C3orf49: variants seen among roughly 807,000 people sequenced by gnomAD.
C3orf49 encodes the protein putative uncharacterized protein C3orf49.
Under a neutral mutation model 13.3 loss-of-function variants are expected in C3orf49, and 27 were observed. The observed-to-expected ratio is 2.02, with a 90% CI of 1.49 to 2.79. The LOEUF (loss-of-function observed/expected upper bound fraction) is 2.79, where lower values mean the gene tolerates loss of function less well. Ranked by LOEUF, C3orf49 falls within the 30% of genes most tolerant of loss-of-function variation. The pLI is 0.00. For missense variants in C3orf49, 242 were observed against 134.2 expected (o/e 1.80, Z -3.97); for synonymous variants, 87 against 47.6 (o/e 1.83, Z -3.40).
At chr3:63,794,276 C>A in the C3orf49 span, among the ~76,000 whole-genome samples, 1 of 152,082 alleles carries the variant, frequency 6.6e-6, no homozygotes, top group Non-Finnish European at 1.5e-5. Context: ...ACCCCATCTT[C>A]CTCCGTTTCT....
intron 5 of C3orf49, among the ~76,000 whole-genome samples, chr3:63,833,198 G>A (rs1326264798): frequency 6.6e-6 from 1 of 151,624 alleles, no homozygotes; most frequent in Non-Finnish European, 1.5e-5. Flanking sequence ...CTGGGTTCAA[G>A]TGATTCTCCT....
the C3orf49 span, among the ~76,000 whole-genome samples, chr3:63,805,889 G>C: frequency 1.3e-5 from 2 of 152,232 alleles, no homozygotes; most frequent in Admixed American, 6.5e-5. Context: ...AGAAGTGCAA[G>C]AGACCCACGG....
the C3orf49 span, among the ~76,000 whole-genome samples, chr3:63,790,598 CTTTT>C: frequency 2.5e-3 from 350 of 137,688 alleles, no homozygotes; most frequent in African/African-American, 6.6e-3. Flanking sequence ...ACATCTACCT[CTTTT>C]TTTTTTTTTT....
At chr3:63,816,099 T>C (rs1364115644), upstream of C3orf49, among the ~76,000 whole-genome samples, 2 of 151,632 alleles carry the variant, frequency 1.3e-5, no homozygotes, top group African/African-American at 4.8e-5. Flanking sequence ...TTCTTTTTAT[T>C]TATTTATTTT....
At chr3:63,812,742 T>C in the C3orf49 span, among the ~76,000 whole-genome samples, 1 of 152,360 alleles carries the variant, frequency 6.6e-6, no homozygotes, top group South Asian at 2.1e-4. Context: ...GTTGTTATTA[T>C]GCATTCAAAA....
At chr3:63,815,489 C>G (rs981538885), upstream of C3orf49, among the ~76,000 whole-genome samples, 1 of 152,158 alleles carries the variant, frequency 6.6e-6, no homozygotes, top group African/African-American at 2.4e-5. Context: ...CTATGCCTTC[C>G]CCATGTCACC....
chr3:63,810,025 A>G, the C3orf49 span, among the ~76,000 whole-genome samples: 1 of 152,176 alleles, frequency 6.6e-6, no homozygotes. Flanking sequence ...TGGTGCCTGT[A>G]ATCCCAGTTA....
At chr3:63,835,471 G>C (rs773545308) in intron 5 of C3orf49, 37 of 1,279,406 alleles carry the variant, frequency 2.9e-5, no homozygotes, top group Non-Finnish European at 3.5e-5. Context: ...TAAGTTACTA[G>C]ATAGGATTTT....
chr3:63,823,330 T>G lies in C3orf49; in HGVS notation c.206T>G (p.Met69Arg), dbSNP rs1052296467. ...GAGGAATCATCCAGTGATAGTGACA[T>G]GGGATTTCATGAAAGCCAGCAAAAT... ...PKEESSSDSD[M>R]GFHESQQNQK... The change falls in exon 2 of 7, where the codon ATG becomes AGG. Residue 69 changes from methionine (M) to arginine (R), a missense_variant. Coordinates refer to ENST00000295896, the MANE Select transcript of C3orf49 (RefSeq NM_001355236.2). 4 of 702,972 alleles carry G rather than the reference T, an allele frequency of 5.7e-6. No homozygotes were observed. The African/African-American group carries it at 7.0e-5, about 12-fold the overall frequency. 43.5% of individuals were successfully genotyped at this position (702,972 alleles called of 1,614,324 possible).
the C3orf49 span, among the ~76,000 whole-genome samples, chr3:63,793,088 C>A: frequency 6.6e-6 from 1 of 152,208 alleles, no homozygotes; most frequent in African/African-American, 2.4e-5. Context: ...ACACTGACCA[C>A]AGTGGGTTTT....
chr3:63,802,863 A>G, the C3orf49 span, among the ~76,000 whole-genome samples: 1 of 152,058 alleles, frequency 6.6e-6, no homozygotes, highest in Non-Finnish European at 1.5e-5. Flanking sequence ...AGCTGTGCTC[A>G]CTACCTTCAC....
At chr3:63,819,068 G>A (rs1392325165), upstream of C3orf49, among the ~76,000 whole-genome samples, 1 of 152,148 alleles carries the variant, frequency 6.6e-6, no homozygotes, top group African/African-American at 2.4e-5. Flanking sequence ...ACTTCTGAAT[G>A]TGGTGGTCAA....
At chr3:63,835,631 C>T (rs1701616636) in intron 5 of C3orf49, among the ~76,000 whole-genome samples, 1 of 151,992 alleles carries the variant, frequency 6.6e-6, no homozygotes, top group Non-Finnish European at 1.5e-5. Context: ...CAGAAAAATA[C>T]AGATAACAGA....
intron 6 of C3orf49, chr3:63,846,113 TA>T (rs1280296481): frequency 2.6e-6 from 1 of 384,434 alleles, no homozygotes; most frequent in Non-Finnish European, 5.3e-6. Flanking sequence ...CCAAGGATGG[TA>T]AAACTGATGT....
the C3orf49 span, among the ~76,000 whole-genome samples, chr3:63,796,056 A>G: frequency 2.0e-5 from 3 of 152,176 alleles, no homozygotes. Flanking sequence ...GAGACAGTAA[A>G]ATATTAATAA....
rs997227417 is a variant in C3orf49 at position 63,830,286 on chromosome 3, T to G, written c.571-824T>G. Among the ~76,000 whole-genome samples, 14 of 152,290 alleles carry G rather than the reference T, an allele frequency of 9.2e-5. 1 individual carries two copies. Among genetic ancestry groups the G allele is most frequent in the African/African-American group, 3.1e-4 (13 of 41,558 alleles). ...CTAGTTGCTTAACAGGAAAAAGTAC[T>G]GGGTTTTATGAAAGAGAAAAAAGAG... On this transcript the variant is annotated intron_variant, in intron 3 of 6. Transcript: ENST00000295896.
chr3:63,845,396 G>T (rs565850113), intron 6 of C3orf49, among the ~76,000 whole-genome samples: 1 of 152,282 alleles, frequency 6.6e-6, no homozygotes, highest in East Asian at 1.9e-4. Context: ...AAAGGCTTGG[G>T]TCAAGCCCTG....
At chr3:63,808,813 A>C in the C3orf49 span, among the ~76,000 whole-genome samples, 1 of 152,206 alleles carries the variant, frequency 6.6e-6, no homozygotes, top group African/African-American at 2.4e-5. Context: ...GCCCAGGAGA[A>C]AATGTGATGT....
intron 2 of C3orf49, among the ~76,000 whole-genome samples, chr3:63,824,217 T>C (rs1701438224): frequency 6.6e-6 from 1 of 152,082 alleles, no homozygotes; most frequent in Admixed American, 6.6e-5. Context: ...TATTCATATA[T>C]ACATATATAT....
Sources: allele counts gnomAD v4.1 joint callset (sites outside exome capture counted in the v4.1 genomes callset), GRCh38; gene constraint gnomAD v4.1.1; transcripts MANE v1.5; gene names NCBI Gene and HGNC (gene_info 2026-07-23, HGNC 2026-07-21).